Variants in RINT1 observed in about 807,000 individuals in gnomAD.
RINT1 encodes RAD50 interactor 1.
Under a neutral mutation model 97.7 loss-of-function variants are expected in RINT1, and 75 were observed. The ratio of observed to expected loss-of-function variants is 0.77; its 90% CI spans 0.64 to 0.93. RINT1 has a LOEUF of 0.93. Ranked by LOEUF, RINT1 falls within the 40% of genes least tolerant of loss-of-function variation. The pLI, the probability that RINT1 is intolerant of heterozygous loss-of-function variation, is 0.00. For synonymous variants in RINT1, 303 were observed against 326.3 expected (o/e 0.93, Z 0.77); for missense variants, 892 against 925.2 (o/e 0.96, Z 0.47).
rs1271930527 is a variant in RINT1, at chr7:105,548,701, G to A, written c.987G>A (p.Val329=). ...TCAGAGGGAACCGGCAGACTAATGT[G>A]TTAAGCAAGGTGTGTTTTGCCAGCT... ...YHFRGNRQTN[V]LSKPEWYLAQ... Residue 329 remains valine, a synonymous_variant, in exon 7 of 15, where the codon GTG becomes GTA. Transcript: ENST00000257700. 1 of 1,606,908 alleles carries A rather than the reference G, an allele frequency of 6.2e-7. No homozygotes were observed. Among genetic ancestry groups the A allele is most frequent in the Non-Finnish European group, 8.5e-7 (1 of 1,176,166 alleles).
chr7:105,556,073 T>C (rs1163436278), intron 11 of RINT1, among the ~76,000 whole-genome samples: 1 of 151,840 alleles, frequency 6.6e-6, no homozygotes, highest in Non-Finnish European at 1.5e-5. Flanking sequence ...CAACTTCTTT[T>C]TTTTTTTTTT....
At chr7:105,545,783 G>A (rs1460374487) in intron 4 of RINT1, among the ~76,000 whole-genome samples, 1 of 150,706 alleles carries the variant, frequency 6.6e-6, no homozygotes, top group Non-Finnish European at 1.5e-5. Flanking sequence ...ACCCATGTTG[G>A]CCTCCCAAAG....
intron 11 of RINT1, among the ~76,000 whole-genome samples, chr7:105,560,774 G>C (rs74342324): frequency 0.08 from 12,146 of 151,808 alleles, 1,505 homozygotes; most frequent in African/African-American, 0.26. Flanking sequence ...AGGCTGGATT[G>C]CAGTGGTGTG....
At chr7:105,533,820 T>C (rs1452896932) in intron 2 of RINT1, among the ~76,000 whole-genome samples, 1 of 152,238 alleles carries the variant, frequency 6.6e-6, no homozygotes, top group Non-Finnish European at 1.5e-5. Context: ...CTCATTCAGA[T>C]GCCTGGAAAG....
intron 11 of RINT1, among the ~76,000 whole-genome samples, chr7:105,561,221 ATATTTT>A (rs1791423033): frequency 6.6e-6 from 1 of 152,142 alleles, no homozygotes; most frequent in South Asian, 2.1e-4. Context: ...CGTTTAAAAA[ATATTTT>A]TAATTTTATT....
At chr7:105,545,795 G>GGGTTGA (rs1554361920) in intron 4 of RINT1, among the ~76,000 whole-genome samples, 2 of 149,338 alleles carry the variant, frequency 1.3e-5, no homozygotes, top group African/African-American at 2.5e-5. Context: ...CTCCCAAAGA[G>GGGTTGA]GCCACCACGC....
At chr7:105,553,325 A>G (rs1033857320) in intron 10 of RINT1, among the ~76,000 whole-genome samples, 20 of 151,982 alleles carry the variant, frequency 1.3e-4, no homozygotes, top group South Asian at 2.1e-4. Flanking sequence ...TCCTGGGTCC[A>G]AGCAATTCTC....
In RINT1 at chr7:105,542,655, A is replaced by G. The variant is rs748175246; in HGVS notation, c.515+6A>G. 9 of 1,612,148 alleles carry G rather than the reference A, an allele frequency of 5.6e-6. No individual in the cohort carries two copies. The highest frequency in any genetic ancestry group is 1.3e-5 in the African/African-American group (1 of 74,856). On this transcript the variant is annotated splice_donor_region_variant and intron_variant, in intron 4 of 14. Transcript: ENST00000257700. ...TCACAAATTGAAGAACTAAGGTAAA[A>G]TGGGCCTCTTTGTTCTCACAATTAC...
At chr7:105,548,421 TA>T (rs1357420479) in intron 6 of RINT1, 132 bp from the exon 7 acceptor site, 1 of 729,404 alleles carries the variant, frequency 1.4e-6, no homozygotes, top group East Asian at 2.6e-5. Flanking sequence ...GGTTACATAT[TA>T]TTTGCATCAT....
intron 2 of RINT1, among the ~76,000 whole-genome samples, chr7:105,533,080 C>T (rs1224823611): frequency 6.6e-6 from 1 of 152,148 alleles, no homozygotes; most frequent in Non-Finnish European, 1.5e-5. Context: ...GAGCACTTCC[C>T]GATCCATACC....
chr7:105,548,503 G>T, intron 6 of RINT1, 51 bp from the exon 7 acceptor site: 1 of 1,510,274 alleles, frequency 6.6e-7, no homozygotes, highest in Non-Finnish European at 9.2e-7. Flanking sequence ...ACATATGTGT[G>T]TGTATATTAG....
chr7:105,565,188 A>T, intron 12 of RINT1, 89 bp from the exon 13 acceptor site: 2 of 1,200,658 alleles, frequency 1.7e-6, no homozygotes, highest in South Asian at 3.2e-5. Flanking sequence ...ATGCCCTAGG[A>T]CAGAACACTT....
At chr7:105,564,350 GT>G (rs900759548) in intron 12 of RINT1, among the ~76,000 whole-genome samples, 6 of 152,130 alleles carry the variant, frequency 3.9e-5, no homozygotes, top group African/African-American at 1.4e-4. Context: ...GCCTCCCAAA[GT>G]GCTAGGATTA....
At chr7:105,561,678 C>T (rs191604137) in intron 11 of RINT1, among the ~76,000 whole-genome samples, 1 of 152,078 alleles carries the variant, frequency 6.6e-6, no homozygotes, top group Admixed American at 6.6e-5. Context: ...TCTTCTGCCT[C>T]AGCCTCCCGA....
intron 10 of RINT1, among the ~76,000 whole-genome samples, chr7:105,554,422 C>G (rs985434771): frequency 6.6e-6 from 1 of 150,748 alleles, no homozygotes; most frequent in African/African-American, 2.4e-5. Context: ...GTTGAAGAAA[C>G]TGTCATTTTT....
chr7:105,541,424 ACCG>A (rs1346391653), intron 3 of RINT1, among the ~76,000 whole-genome samples: 1 of 151,792 alleles, frequency 6.6e-6, no homozygotes, highest in Non-Finnish European at 1.5e-5. Context: ...GGTGTGAGCC[ACCG>A]TGCCCGGCCC....
At chr7:105,537,510 G>A (rs1562840699) in intron 3 of RINT1, among the ~76,000 whole-genome samples, 1 of 151,866 alleles carries the variant, frequency 6.6e-6, no homozygotes, top group Non-Finnish European at 1.5e-5. Context: ...ATTTCTGTGT[G>A]GTTGGTTGAC....
chr7:105,556,840 A>G (rs1442377876), intron 11 of RINT1, among the ~76,000 whole-genome samples: 3 of 152,240 alleles, frequency 2.0e-5, no homozygotes, highest in Non-Finnish European at 4.4e-5. Context: ...TTTCCAATAG[A>G]TGCTTCCAAA....
At chr7:105,560,111 T>C (rs1255243896) in intron 11 of RINT1, among the ~76,000 whole-genome samples, 2 of 152,214 alleles carry the variant, frequency 1.3e-5, no homozygotes, top group Admixed American at 6.5e-5. Context: ...TTTCTGGTTT[T>C]GTTCTGAGGC....
Sources: gnomAD v4.1 joint callset for allele counts (sites outside exome capture counted in the v4.1 genomes callset) on GRCh38, gnomAD v4.1.1 for gene constraint, MANE v1.5 for transcripts, NCBI Gene and HGNC (gene_info 2026-07-23, HGNC 2026-07-21) for gene names.